Variants in ATL3 observed in about 807,000 individuals in gnomAD.
The protein encoded by ATL3 is atlastin GTPase 3.
ATL3 carries 49 observed loss-of-function variants against 69.5 expected under a neutral mutation model. The ratio of observed to expected loss-of-function variants is 0.71; its 90% CI spans 0.56 to 0.89. The LOEUF (loss-of-function observed/expected upper bound fraction) is 0.89. ATL3 is among the 40% of genes least tolerant of loss of function. The pLI, the probability that ATL3 is intolerant of heterozygous loss-of-function variation, is 0.00. For synonymous variants in ATL3, 214 were observed against 224.1 expected, an observed-to-expected ratio of 0.95 and a Z score of 0.40; for missense variants, 606 against 645.7, an observed-to-expected ratio of 0.94 and a Z score of 0.67.
chr11:63,652,507 G>T lies in ATL3; in HGVS notation c.474C>A (p.Thr158=). 6.2e-7 allele frequency: 1 copy of T among 1,611,090 alleles called. No homozygotes were observed. Among genetic ancestry groups the T allele is most frequent in the South Asian group, 1.1e-5 (1 of 90,584 alleles). Residue 158 remains threonine, a synonymous_variant, in exon 4 of 13, where the codon ACC becomes ACA. Coordinates refer to ENST00000398868, the MANE Select transcript of ATL3 (RefSeq NM_015459.5). ...DSQSTVKDCA[T]IFALSTMTSS... ...TAGTCATAGTGCTTAGAGCAAAGAT[G>T]GTAGCACAGTCTTTCACAGTTGACT... is the stretch of plus-strand genomic sequence containing the variant.
rs551769719 is a variant in ATL3, at chr11:63,628,834, C to CA, written c.*484dup. ...CTGGTGACAGAGCGAGACTCCAACT[C>CA]AAAAAAAAAAAAAAAAAAAAAAAGA... On this transcript the variant is annotated 3_prime_UTR_variant, in exon 13 of 13. Coordinates refer to ENST00000398868, the MANE Select transcript of ATL3 (RefSeq NM_015459.5). 1,694 of 60,400 alleles carry CA rather than the reference C, an allele frequency of 0.028. 25 individuals are homozygous for CA. Among genetic ancestry groups the CA allele is most frequent in the Non-Finnish European group, 0.034 (1,025 of 30,294 alleles). 3.7% of individuals were successfully genotyped at this position (60,400 alleles called of 1,614,324 possible). A position where few individuals can be genotyped will look rare whatever the true frequency, so the allele number is the denominator to read the frequency against.
At chr11:63,629,773 C>T (rs1204602958) in intron 12 of ATL3, among the ~76,000 whole-genome samples, 1 of 152,170 alleles carries the variant, frequency 6.6e-6, no homozygotes, top group Non-Finnish European at 1.5e-5. Context: ...CCTGTAACAC[C>T]GGCTGCTTGG....
chr11:63,669,386 T>C (rs940694299), intron 1 of ATL3, among the ~76,000 whole-genome samples: 3 of 147,286 alleles, frequency 2.0e-5, no homozygotes, highest in African/African-American at 2.5e-5. Flanking sequence ...AATACAAAAA[T>C]TACCCAGGCG....
Position 63,642,723 on chromosome 11 carries a change from A to G in ATL3, c.850+634T>C, listed in dbSNP as rs533117566. Among the ~76,000 whole-genome samples, 3 of 152,354 alleles carry G rather than the reference A, an allele frequency of 2.0e-5. No individual in the cohort carries two copies. In the East Asian group the frequency reaches 5.8e-4, roughly 29 times the overall value. ...GTCATTGGAATTACTGGGAGCATAA[A>G]TATCAAAGTACCTAGCATAGTGTTG... On this transcript the variant is annotated intron_variant, in intron 8 of 12. Transcript: ENST00000398868.
At chr11:63,647,625 G>A (rs986253784) in intron 5 of ATL3, among the ~76,000 whole-genome samples, 2 of 152,150 alleles carry the variant, frequency 1.3e-5, no homozygotes, top group Admixed American at 1.3e-4. Context: ...GTGCACTACT[G>A]GATTTCCAGC....
At position 63,629,310 on chromosome 11, in the gene ATL3, G is replaced by A. The variant is rs745909666; in HGVS notation, c.*9C>T. 1.9e-5 allele frequency: 30 copies of A among 1,610,954 alleles called. No individual in the cohort carries two copies. The highest frequency in any genetic ancestry group is 1.7e-4 in the Middle Eastern group (1 of 6,052). ...TGTTGTGTTCTTGTTTGATCTTCAC[G>A]TTAAGATGCTATTGAGCTTTTTTAT... On this transcript the variant is annotated 3_prime_UTR_variant, in exon 13 of 13. Coordinates refer to ENST00000398868, the MANE Select transcript of ATL3 (RefSeq NM_015459.5).
chr11:63,662,361 A>C (rs1489238541), intron 1 of ATL3, among the ~76,000 whole-genome samples: 1 of 152,224 alleles, frequency 6.6e-6, no homozygotes, highest in African/African-American at 2.4e-5. Flanking sequence ...GGTATTAAAG[A>C]TGTTTTTAGG....
chr11:63,670,499 G>A (rs1940736450), intron 1 of ATL3: 1 of 152,194 alleles, frequency 6.6e-6, no homozygotes, highest in Admixed American at 6.5e-5. Flanking sequence ...CATTTCAACA[G>A]CACACACATT....
intron 9 of ATL3, among the ~76,000 whole-genome samples, chr11:63,635,950 T>C (rs1376625826): frequency 6.7e-6 from 1 of 148,864 alleles, no homozygotes; most frequent in Non-Finnish European, 1.5e-5. Context: ...CCACACCATC[T>C]TCCTTGAGGA....
chr11:63,626,370 CCT>C lies in ATL3; in HGVS notation c.*2947_*2948del, dbSNP rs1939113336. The C allele has an allele frequency of 1.3e-5, 2 of 152,102 alleles. No homozygotes were observed. The highest frequency in any genetic ancestry group is 1.9e-4 in the East Asian group (1 of 5,188). The allele number at this position is 152,102 out of a possible 1,614,324, so 9.4% of individuals were successfully genotyped here. A position where few individuals can be genotyped will look rare whatever the true frequency, so the allele number is the denominator to read the frequency against. Reference sequence around the variant, plus strand: ...CTCCAACCTGGGCGACAGAGCGAGACCTCTGTCTCAAAAAATAAAATAAAATA... The same window carrying C: ...CTCCAACCTGGGCGACAGAGCGAGACCTGTCTCAAAAAATAAAATAAAATA... On this transcript the variant is annotated 3_prime_UTR_variant, in exon 13 of 13. Coordinates refer to ENST00000398868, the MANE Select transcript of ATL3 (RefSeq NM_015459.5).
intron 3 of ATL3, 34 bp from the exon 4 acceptor site, chr11:63,652,609 A>G (rs775146650): frequency 5.4e-6 from 8 of 1,491,776 alleles, no homozygotes; most frequent in Admixed American, 1.8e-5. Flanking sequence ...AAAAGAGATT[A>G]AACTAAGAAG....
At chr11:63,658,676 T>C in intron 3 of ATL3, 85 bp downstream of exon 3, 1 of 1,367,956 alleles carries the variant, frequency 7.3e-7, no homozygotes, top group Non-Finnish European at 9.6e-7. Context: ...TGATAAAAGG[T>C]TTTTAATTGG....
rs983262673 is a variant in ATL3 at position 63,628,338 on chromosome 11, G to C, written c.*981C>G. 35 of 149,560 alleles carry C rather than the reference G, an allele frequency of 2.3e-4. No individual in the cohort carries two copies. Among genetic ancestry groups the C allele is most frequent in the African/African-American group, 8.1e-4 (33 of 40,606 alleles). The allele number at this position is 149,560 out of a possible 1,614,324, so 9.3% of individuals were successfully genotyped here. On this transcript the variant is annotated 3_prime_UTR_variant, in exon 13 of 13. Transcript: ENST00000398868. ...AGGGACCAAAAAAAAAAAAAAAATA[G>C]AGCAAGTTGCAACAAAACTGTCAGC...
chr11:63,659,325 ACTT>A, intron 1 of ATL3, 73 bp from the exon 2 acceptor site: 1 of 1,347,944 alleles, frequency 7.4e-7, no homozygotes. Flanking sequence ...GAAAACAAAA[ACTT>A]CTTAAACAGG....
intron 12 of ATL3, among the ~76,000 whole-genome samples, chr11:63,629,761 C>T (rs891986795): frequency 6.6e-6 from 1 of 152,184 alleles, no homozygotes; most frequent in African/African-American, 2.4e-5. Context: ...TGGTGGCACT[C>T]GCCTGTAACA....
At chr11:63,648,093 A>G (rs777340503) in intron 5 of ATL3, among the ~76,000 whole-genome samples, 1 of 152,162 alleles carries the variant, frequency 6.6e-6, no homozygotes, top group Non-Finnish European at 1.5e-5. Context: ...CTGCCTCCAT[A>G]GAAGATGGGA....
chr11:63,649,422 G>C (rs891747107), intron 5 of ATL3, among the ~76,000 whole-genome samples: 1 of 151,696 alleles, frequency 6.6e-6, no homozygotes, highest in African/African-American at 2.4e-5. Flanking sequence ...GGGATTACAC[G>C]CATGACCCAC....
rs1940092115 is a variant in ATL3 at position 63,651,957 on chromosome 11, T to C, written c.540A>G (p.Glu180=). Residue 180 remains glutamate (E), a synonymous_variant, in exon 5 of 13, where the codon GAA becomes GAG. Transcript: ENST00000398868. ...QIYNLSQNIQ[E]DDLQQLQLFT... is the part of the protein sequence containing the mutation. ...ATACCTGCAGCTGTTGAAGATCATC[T>C]TCTTGAATGTTCTGAGATAAATTAT... 6.2e-7 allele frequency: 1 copy of C among 1,601,458 alleles called. No homozygotes were observed. The highest frequency in any genetic ancestry group is 1.3e-5 in the African/African-American group (1 of 74,110).
Position 63,652,585 on chromosome 11 carries a change from A to C in ATL3, c.406-10T>G. The C allele has an allele frequency of 6.3e-7, 1 of 1,584,634 alleles. No individual in the cohort carries two copies. Among genetic ancestry groups the C allele is most frequent in the South Asian group, 1.1e-5 (1 of 88,320 alleles). ...TCAGAACAACTGCAACCTAAAAAAA[A>C]GGAAAATACAAACAAAAGAGATTAA... On this transcript the variant is annotated splice_polypyrimidine_tract_variant and intron_variant, in intron 3 of 12. Transcript: ENST00000398868.
Sources: allele counts gnomAD v4.1 joint callset (sites outside exome capture counted in the v4.1 genomes callset), GRCh38; gene constraint gnomAD v4.1.1; transcripts MANE v1.5; gene names NCBI Gene and HGNC (gene_info 2026-07-23, HGNC 2026-07-21).